DCDC1: variants seen among roughly 807,000 people sequenced by gnomAD.
The protein encoded by DCDC1 is doublecortin domain containing 1.
Under a neutral mutation model 178.3 loss-of-function variants are expected in DCDC1, and 200 were observed. The ratio of observed to expected loss-of-function variants is 1.12; its 90% CI spans 1.00 to 1.26. The LOEUF is 1.26. Ranked by LOEUF, DCDC1 falls within the 50% of genes most tolerant of loss-of-function variation. The probability of loss-of-function intolerance (pLI) is 0.00; values close to 1 mark genes in which losing one functional copy is unlikely to be tolerated. For missense variants in DCDC1, 1,983 were observed against 1,749.2 expected, an observed-to-expected ratio of 1.13 and a Z score of -2.38; for synonymous variants, 690 against 604.8, an observed-to-expected ratio of 1.14 and a Z score of -2.07.
intron 20 of DCDC1, among the ~76,000 whole-genome samples, chr11:31,017,289 C>T (rs1034441579): frequency 6.6e-6 from 1 of 152,142 alleles, no homozygotes; most frequent in African/African-American, 2.4e-5. Context: ...CTTCCTCTTC[C>T]TCCTCAGCCC....
intron 9 of DCDC1, among the ~76,000 whole-genome samples, chr11:31,221,204 G>A (rs1974222447): frequency 6.6e-6 from 1 of 152,052 alleles, no homozygotes; most frequent in Non-Finnish European, 1.5e-5. Context: ...CTAAAGTCTA[G>A]AGTCTCAAGT....
In DCDC1 at chr11:31,174,366, GC is replaced by G. The variant is rs578211303; in HGVS notation, c.1222-36583del. On this transcript the variant is annotated intron_variant, in intron 9 of 38. Transcript: ENST00000684477. Reference sequence around the variant, plus strand: ...TGCTCAGAGCAATGCTGACATGCCAGCCCCCTGCCACCTTGGGCCCCTCTGG... The same window carrying G: ...TGCTCAGAGCAATGCTGACATGCCAGCCCCTGCCACCTTGGGCCCCTCTGG... 3.4e-3 allele frequency among the ~76,000 whole-genome samples: 514 copies of G among 152,308 alleles called. 1 individual carries two copies. The highest frequency in any genetic ancestry group is 9.3e-3 in the Admixed American group (143 of 15,302).
At chr11:31,065,308 A>G (rs1190382149) in intron 18 of DCDC1, among the ~76,000 whole-genome samples, 155 bp from the exon 19 acceptor site, 1 of 152,206 alleles carries the variant, frequency 6.6e-6, no homozygotes, top group Non-Finnish European at 1.5e-5. Flanking sequence ...AACAGAATCA[A>G]GCCAAATGAC....
At chr11:31,114,237 A>T (rs1439326192) in intron 11 of DCDC1, among the ~76,000 whole-genome samples, 1 of 152,166 alleles carries the variant, frequency 6.6e-6, no homozygotes, top group African/African-American at 2.4e-5. Context: ...ATCACGTGGT[A>T]TAAGAAAGGG....
At chr11:30,977,058 A>G (rs553708498) in intron 20 of DCDC1, among the ~76,000 whole-genome samples, 4 of 152,328 alleles carry the variant, frequency 2.6e-5, no homozygotes, top group African/African-American at 4.8e-5. Context: ...GGTCATTATG[A>G]TAAGTGGAAT....
At chr11:31,066,031 C>A (rs564360232) in intron 18 of DCDC1, among the ~76,000 whole-genome samples, 1 of 152,316 alleles carries the variant, frequency 6.6e-6, no homozygotes, top group East Asian at 1.9e-4. Context: ...TATATAAATA[C>A]TGCAGACCAG....
chr11:31,339,132 T>C (rs947861200), intron 1 of DCDC1, among the ~76,000 whole-genome samples: 3 of 152,202 alleles, frequency 2.0e-5, no homozygotes, highest in Non-Finnish European at 2.9e-5. Context: ...CCAAAGTTCA[T>C]GTTTAAGTCA....
intron 17 of DCDC1, among the ~76,000 whole-genome samples, chr11:31,083,149 T>C (rs902281712): frequency 1.3e-5 from 2 of 152,140 alleles, no homozygotes; most frequent in African/African-American, 4.8e-5. Context: ...TGTCACTCCA[T>C]TTTTAGCAAG....
chr11:31,350,680 T>C (rs1055526226), intron 1 of DCDC1, among the ~76,000 whole-genome samples: 1 of 152,188 alleles, frequency 6.6e-6, no homozygotes, highest in African/African-American at 2.4e-5. Flanking sequence ...ATTGTTCTGT[T>C]GTACTTAAAT....
intron 15 of DCDC1, among the ~76,000 whole-genome samples, chr11:31,094,665 C>G (rs1444159628): frequency 6.6e-6 from 1 of 152,082 alleles, no homozygotes; most frequent in African/African-American, 2.4e-5. Flanking sequence ...CAAGTAAAGG[C>G]AAGGAAGCTT....
intron 22 of DCDC1, among the ~76,000 whole-genome samples, chr11:30,927,626 T>C (rs552144972): frequency 7.2e-5 from 11 of 152,270 alleles, no homozygotes; most frequent in African/African-American, 2.4e-4. Flanking sequence ...TCCAATATTC[T>C]ATGTTGCCAG....
chr11:31,113,502 C>T (rs1025866338), intron 11 of DCDC1, among the ~76,000 whole-genome samples: 1 of 147,336 alleles, frequency 6.8e-6, no homozygotes, highest in Non-Finnish European at 1.5e-5. Flanking sequence ...ATGTGTTCTC[C>T]TTGTTCAATT....
chr11:31,221,767 A>C (rs1369367675), intron 9 of DCDC1, among the ~76,000 whole-genome samples: 1 of 152,216 alleles, frequency 6.6e-6, no homozygotes, highest in Non-Finnish European at 1.5e-5. Flanking sequence ...TCTCTTTAGA[A>C]CAAGCTTCCT....
intron 9 of DCDC1, among the ~76,000 whole-genome samples, chr11:31,191,034 T>C (rs1170398426): frequency 2.6e-5 from 4 of 152,108 alleles, no homozygotes; most frequent in African/African-American, 4.8e-5. Context: ...TCCCATATAC[T>C]TTAAATAATC....
At chr11:31,183,276 CA>C (rs1197953570) in intron 9 of DCDC1, among the ~76,000 whole-genome samples, 1 of 152,196 alleles carries the variant, frequency 6.6e-6, no homozygotes, top group African/African-American at 2.4e-5. Flanking sequence ...CTCTCCACCC[CA>C]AATCAACAGA....
chr11:30,883,011 T>C (rs1158208801), intron 36 of DCDC1: 1 of 152,342 alleles, frequency 6.6e-6, no homozygotes, highest in East Asian at 1.9e-4. Context: ...TAATACTGAT[T>C]AAAACATATT....
chr11:30,996,898 A>G (rs905263295), intron 20 of DCDC1, among the ~76,000 whole-genome samples: 1 of 152,242 alleles, frequency 6.6e-6, no homozygotes, highest in Non-Finnish European at 1.5e-5. Context: ...ATGAACATGT[A>G]TAGCAGCGTT....
rs1489090831 is a variant in DCDC1, at chr11:31,328,007, G to A, written c.164+110C>T. 4 of 1,153,796 alleles carry A rather than the reference G, an allele frequency of 3.5e-6. No homozygotes were observed. The East Asian group carries it at 1.2e-4, about 35-fold the overall frequency. 71.5% of individuals were successfully genotyped at this position (1,153,796 alleles called of 1,614,324 possible). A position where few individuals can be genotyped will look rare whatever the true frequency, so the allele number is the denominator to read the frequency against. On this transcript the variant is annotated intron_variant, in intron 3 of 38. Coordinates refer to ENST00000684477, the MANE Select transcript of DCDC1 (RefSeq NM_001387274.1). Reference sequence around the variant, plus strand: ...GGCCTCCCAAAGTGCTGGGATTACAGGCATGAGCCACCTGGCCCGGCCAAG... The same window carrying A: ...GGCCTCCCAAAGTGCTGGGATTACAAGCATGAGCCACCTGGCCCGGCCAAG...
chr11:30,880,601 T>C (rs1590204481), intron 37 of DCDC1, among the ~76,000 whole-genome samples: 1 of 152,150 alleles, frequency 6.6e-6, no homozygotes, highest in East Asian at 1.9e-4. Context: ...TTTGCTAATA[T>C]ATACCTACCT....
Sources: gnomAD v4.1 joint callset for allele counts (sites outside exome capture counted in the v4.1 genomes callset) on GRCh38, gnomAD v4.1.1 for gene constraint, MANE v1.5 for transcripts, NCBI Gene and HGNC (gene_info 2026-07-23, HGNC 2026-07-21) for gene names.